Variants in ESRRG observed in about 807,000 individuals in gnomAD.
ESRRG encodes the protein estrogen related receptor gamma.
Under a neutral mutation model 44.0 loss-of-function variants are expected in ESRRG, and 13 were observed. The observed-to-expected ratio is 0.30, with a 90% CI of 0.19 to 0.47. ESRRG has a LOEUF of 0.47. ESRRG is among the 20% of genes least tolerant of loss of function. The pLI, the probability that ESRRG is intolerant of heterozygous loss-of-function variation, is 1.00. For missense variants in ESRRG, 395 were observed against 580.6 expected, an observed-to-expected ratio of 0.68 and a Z score of 3.29; for synonymous variants, 215 against 214.6, an observed-to-expected ratio of 1.00 and a Z score of -0.02.
chr1:216,967,258 C>G (rs2070631207), intron 1 of ESRRG, among the ~76,000 whole-genome samples: 1 of 152,012 alleles, frequency 6.6e-6, no homozygotes, highest in Admixed American at 6.6e-5. Flanking sequence ...CACCCAAAGC[C>G]CAGACTTTGC....
intron 3 of ESRRG, among the ~76,000 whole-genome samples, chr1:216,635,720 A>G (rs1454281394): frequency 6.6e-6 from 1 of 152,092 alleles, no homozygotes; most frequent in Non-Finnish European, 1.5e-5. Context: ...TCCTGCACAC[A>G]GGAAAGGGTC....
At chr1:217,036,845 A>AG (rs1410740096) in intron 1 of ESRRG, among the ~76,000 whole-genome samples, 2 of 151,148 alleles carry the variant, frequency 1.3e-5, no homozygotes, top group Non-Finnish European at 3.0e-5. Flanking sequence ...AGAAAAGAAA[A>AG]AAAAAAGAGT....
intron 1 of ESRRG, among the ~76,000 whole-genome samples, chr1:216,946,774 T>C (rs565048119): frequency 6.6e-6 from 1 of 151,946 alleles, no homozygotes; most frequent in African/African-American, 2.4e-5. Flanking sequence ...TGGAGTGCAG[T>C]GGTATGATCT....
At position 216,914,545 on chromosome 1, in the gene ESRRG, G is replaced by C. The variant is rs377452816; in HGVS notation, c.-14+25037C>G. 3.1e-3 allele frequency among the ~76,000 whole-genome samples: 476 copies of C among 152,232 alleles called. 2 individuals are homozygous for C. Among genetic ancestry groups the C allele is most frequent in the African/African-American group, 0.01 (436 of 41,552 alleles). Reference sequence around the variant, plus strand: ...TAAAACATCTCAGTATGAAAAAAAAGACTTTGACCATGTAAACATGTCCAA... The same window carrying C: ...TAAAACATCTCAGTATGAAAAAAAACACTTTGACCATGTAAACATGTCCAA... On this transcript the variant is annotated intron_variant, in intron 2 of 7. Transcript: ENST00000359162.
intron 1 of ESRRG, among the ~76,000 whole-genome samples, chr1:217,122,757 G>A (rs1467856320): frequency 5.0e-5 from 7 of 140,766 alleles, no homozygotes; most frequent in East Asian, 2.1e-4. Flanking sequence ...TGCAACCTCC[G>A]CCTCCTGAGT....
chr1:216,521,242 G>A (rs546492984), intron 5 of ESRRG, among the ~76,000 whole-genome samples: 5 of 152,114 alleles, frequency 3.3e-5, no homozygotes, highest in East Asian at 1.9e-4. Flanking sequence ...TTTAAACAGC[G>A]GTTCAACACA....
At chr1:216,732,463 A>T (rs957411519) in intron 2 of ESRRG, among the ~76,000 whole-genome samples, 7 of 148,892 alleles carry the variant, frequency 4.7e-5, no homozygotes, top group African/African-American at 1.7e-4. Flanking sequence ...TGCAAACTCC[A>T]CCTCCCGGAT....
At chr1:217,084,231 C>T (rs2091942711) in intron 1 of ESRRG, among the ~76,000 whole-genome samples, 1 of 151,328 alleles carries the variant, frequency 6.6e-6, no homozygotes, top group African/African-American at 2.4e-5. Flanking sequence ...AATGTAAAAA[C>T]TGATTGCCTC....
chr1:217,038,846 T>C (rs2083361793), intron 1 of ESRRG, among the ~76,000 whole-genome samples: 1 of 152,238 alleles, frequency 6.6e-6, no homozygotes, highest in Non-Finnish European at 1.5e-5. Flanking sequence ...TCTATCACAT[T>C]GTCAGGCTGC....
chr1:216,560,839 G>A (rs1388454286), intron 5 of ESRRG, among the ~76,000 whole-genome samples: 3 of 152,170 alleles, frequency 2.0e-5, no homozygotes, highest in African/African-American at 4.8e-5. Context: ...GAGCGCGGAC[G>A]AAATTGAAAG....
intron 1 of ESRRG, among the ~76,000 whole-genome samples, chr1:216,698,778 T>A (rs1363625489): frequency 6.6e-6 from 1 of 152,120 alleles, no homozygotes; most frequent in Admixed American, 6.5e-5. Context: ...TTCAGAAACC[T>A]CTATCGAAGA....
At chr1:216,716,453 A>G (rs1405146637) in intron 1 of ESRRG, among the ~76,000 whole-genome samples, 4 of 151,960 alleles carry the variant, frequency 2.6e-5, no homozygotes, top group Admixed American at 1.3e-4. Context: ...GTGTATAATG[A>G]AGCAAAGTTA....
chr1:216,904,736 C>T (rs966995016), intron 2 of ESRRG, among the ~76,000 whole-genome samples: 4 of 152,296 alleles, frequency 2.6e-5, no homozygotes, highest in Middle Eastern at 6.8e-3. Context: ...TTTAGAAACA[C>T]AAATGTGTCA....
Position 216,983,989 on chromosome 1 carries a change from G to A in ESRRG, c.-105-44316C>T, listed in dbSNP as rs368173297. ...CCTTGCTGTGGTCACAGAAGATGAC[G>A]CTTCAGATCTAAATATAGGGTCATG... is the stretch of plus-strand genomic sequence containing the variant. On this transcript the variant is annotated intron_variant, in intron 1 of 7. Transcript: ENST00000359162. Among the ~76,000 whole-genome samples, 146 of 145,970 alleles carry A rather than the reference G, an allele frequency of 1.0e-3. 1 individual carries two copies. Among genetic ancestry groups the A allele is most frequent in the South Asian group, 4.3e-3 (19 of 4,444 alleles).
intron 2 of ESRRG, among the ~76,000 whole-genome samples, chr1:216,670,688 C>T (rs1267099907): frequency 6.6e-6 from 1 of 152,116 alleles, no homozygotes; most frequent in Non-Finnish European, 1.5e-5. Flanking sequence ...ACTAAACTGC[C>T]CTTCTGGTGT....
intron 1 of ESRRG, among the ~76,000 whole-genome samples, chr1:216,974,606 G>A (rs1474156390): frequency 1.4e-4 from 22 of 152,162 alleles, no homozygotes; most frequent in Non-Finnish European, 2.9e-4. Context: ...AAAATGGGCA[G>A]CAGCACTTTA....
At chr1:216,862,071 C>T (rs530777079) in intron 2 of ESRRG, among the ~76,000 whole-genome samples, 1 of 152,186 alleles carries the variant, frequency 6.6e-6, no homozygotes, top group African/African-American at 2.4e-5. Context: ...AATTCTCATA[C>T]ACTGTTGCTG....
chr1:216,561,344 T>C (rs950757986), intron 5 of ESRRG, among the ~76,000 whole-genome samples: 2 of 152,020 alleles, frequency 1.3e-5, no homozygotes, highest in Admixed American at 6.6e-5. Flanking sequence ...AACAGGGGCT[T>C]GAATTTTAGT....
At chr1:216,805,904 G>A (rs891338481) in intron 2 of ESRRG, among the ~76,000 whole-genome samples, 3 of 152,130 alleles carry the variant, frequency 2.0e-5, no homozygotes, top group Non-Finnish European at 4.4e-5. Flanking sequence ...GGATTCTGAA[G>A]GAGAGAAGAT....
Sources: gnomAD v4.1 joint callset for allele counts (sites outside exome capture counted in the v4.1 genomes callset) on GRCh38, gnomAD v4.1.1 for gene constraint, MANE v1.5 for transcripts, NCBI Gene and HGNC (gene_info 2026-07-23, HGNC 2026-07-21) for gene names.